Variants in TMEM117 observed in about 807,000 individuals in gnomAD.
The protein encoded by TMEM117 is transmembrane protein 117.
TMEM117 carries 27 observed loss-of-function variants against 52.4 expected under a neutral mutation model. That is an observed-to-expected ratio of 0.51 (90% CI 0.38 to 0.71). The LOEUF (loss-of-function observed/expected upper bound fraction) is 0.71, where lower values mean the gene tolerates loss of function less well. TMEM117 is among the 30% of genes least tolerant of loss of function. The probability of loss-of-function intolerance (pLI) is 0.00; values close to 1 mark genes in which losing one functional copy is unlikely to be tolerated. For missense variants in TMEM117, 556 were observed against 630.5 expected (o/e 0.88, Z 1.26); for synonymous variants, 215 against 206.3 (o/e 1.04, Z -0.36).
intron 2 of TMEM117, among the ~76,000 whole-genome samples, chr12:43,869,359 G>C (rs1675778): frequency 0.72 from 110,047 of 152,182 alleles, 43,170 homozygotes; most frequent in East Asian, 0.94. Context: ...TGATGTGCCA[G>C]CTACTGTTCT....
chr12:44,294,093 T>C (rs1301848277), intron 5 of TMEM117, among the ~76,000 whole-genome samples: 2 of 152,204 alleles, frequency 1.3e-5, no homozygotes, highest in Admixed American at 1.3e-4. Context: ...TTTTTAACTC[T>C]TCGTTTCCTG....
chr12:44,186,905 G>C (rs1389824667), intron 4 of TMEM117, among the ~76,000 whole-genome samples: 1 of 152,130 alleles, frequency 6.6e-6, no homozygotes, highest in African/African-American at 2.4e-5. Context: ...TTAAATTCTT[G>C]AGAGTTTACA....
At chr12:44,385,141 C>A (rs1161973608) in intron 7 of TMEM117, among the ~76,000 whole-genome samples, 1 of 152,120 alleles carries the variant, frequency 6.6e-6, no homozygotes, top group African/African-American at 2.4e-5. Flanking sequence ...GGATGAGATG[C>A]CCATCTGCTC....
At chr12:44,182,577 C>G (rs1949218467) in intron 4 of TMEM117, among the ~76,000 whole-genome samples, 2 of 152,212 alleles carry the variant, frequency 1.3e-5, no homozygotes, top group South Asian at 4.1e-4. Context: ...CTATCTGTGA[C>G]AAACCCACAG....
At chr12:43,872,626 A>G (rs1943725846) in intron 2 of TMEM117, among the ~76,000 whole-genome samples, 1 of 152,238 alleles carries the variant, frequency 6.6e-6, no homozygotes, top group South Asian at 2.1e-4. Flanking sequence ...TTGTACAGGA[A>G]GACATTGAGC....
At chr12:43,823,037 G>A in the TMEM117 span, among the ~76,000 whole-genome samples, 2 of 152,162 alleles carry the variant, frequency 1.3e-5, no homozygotes, top group South Asian at 2.1e-4. Flanking sequence ...TCAAAGTCAT[G>A]GACCCAGAGG....
Position 44,185,105 on chromosome 12 carries a change from A to G in TMEM117, c.511-26185A>G, listed in dbSNP as rs1041839280. Among the ~76,000 whole-genome samples, 6 of 152,292 alleles carry G rather than the reference A, an allele frequency of 3.9e-5. No individual in the cohort carries two copies. The South Asian group carries it at 6.2e-4, about 16-fold the overall frequency. ...GCAATAGAAACCTGTTTACAGCTCA[A>G]TCTTTGAATTTATATACAGGTAATC... On this transcript the variant is annotated intron_variant, in intron 4 of 7. Coordinates refer to ENST00000266534, the MANE Select transcript of TMEM117 (RefSeq NM_032256.3).
chr12:44,296,353 G>A (rs544054099), intron 5 of TMEM117, among the ~76,000 whole-genome samples: 1 of 152,122 alleles, frequency 6.6e-6, no homozygotes, highest in African/African-American at 2.4e-5. Context: ...GTGCTTCAGG[G>A]TCCACAGCTG....
chr12:44,327,123 A>G (rs1387812228), intron 6 of TMEM117, among the ~76,000 whole-genome samples: 1 of 152,216 alleles, frequency 6.6e-6, no homozygotes, highest in Non-Finnish European at 1.5e-5. Flanking sequence ...CTACAAAGGT[A>G]ATTAAATACA....
At chr12:43,924,515 C>T (rs1944747251) in intron 2 of TMEM117, among the ~76,000 whole-genome samples, 1 of 152,072 alleles carries the variant, frequency 6.6e-6, no homozygotes, top group South Asian at 2.1e-4. Flanking sequence ...TTAATTATTT[C>T]AAGTATTTCG....
intron 2 of TMEM117, among the ~76,000 whole-genome samples, chr12:43,910,530 A>C (rs1449930040): frequency 6.7e-5 from 10 of 149,742 alleles, no homozygotes; most frequent in Admixed American, 4.0e-4. Flanking sequence ...AAGGGTATTC[A>C]ATTAGGAAAA....
At chr12:44,285,174 C>T (rs1007062199) in intron 5 of TMEM117, among the ~76,000 whole-genome samples, 5 of 152,152 alleles carry the variant, frequency 3.3e-5, no homozygotes, top group Non-Finnish European at 7.4e-5. Context: ...TTTTCAGCCA[C>T]CTCTTTTATG....
intron 3 of TMEM117, among the ~76,000 whole-genome samples, chr12:43,953,127 A>G (rs1346596025): frequency 2.0e-5 from 3 of 152,238 alleles, no homozygotes; most frequent in South Asian, 2.1e-4. Context: ...CCTGTCTTGC[A>G]TATTTAGTGC....
chr12:44,037,029 A>G (rs1946720388), intron 3 of TMEM117, among the ~76,000 whole-genome samples: 1 of 152,162 alleles, frequency 6.6e-6, no homozygotes, highest in East Asian at 1.9e-4. Flanking sequence ...CACTGGCTAC[A>G]GTGGGGGAGG....
At chr12:44,231,936 A>G (rs1949938707) in intron 5 of TMEM117, among the ~76,000 whole-genome samples, 1 of 151,670 alleles carries the variant, frequency 6.6e-6, no homozygotes, top group South Asian at 2.1e-4. Context: ...GATTCAAATA[A>G]TGGCTCTATC....
At chr12:43,913,199 A>G (rs773501253) in intron 2 of TMEM117, among the ~76,000 whole-genome samples, 4 of 152,148 alleles carry the variant, frequency 2.6e-5, no homozygotes, top group Non-Finnish European at 4.4e-5. Context: ...TGAACTGTCT[A>G]TGGGTCCTTG....
Position 44,140,489 on chromosome 12 carries a change from C to T in TMEM117, c.411-3036C>T, listed in dbSNP as rs377468590. Among the ~76,000 whole-genome samples the T allele has an allele frequency of 8.5e-5, 13 of 152,142 alleles. No homozygotes were observed. In the East Asian group the frequency reaches 2.5e-3, roughly 29 times the overall value. On this transcript the variant is annotated intron_variant, in intron 3 of 7. Transcript: ENST00000266534. ...GTAGACAAGATAGCCAAAATAGCTTCCTATTCTTCTGGACAGTTTTTTCTC... is the reference window on the plus strand; with the variant it reads ...GTAGACAAGATAGCCAAAATAGCTTTCTATTCTTCTGGACAGTTTTTTCTC...
intron 2 of TMEM117, among the ~76,000 whole-genome samples, chr12:43,865,701 A>G (rs1463152717): frequency 1.4e-5 from 2 of 147,898 alleles, no homozygotes; most frequent in Non-Finnish European, 3.0e-5. Flanking sequence ...CGTCCCAAAA[A>G]AAGAAAAAAA....
chr12:44,273,551 G>A lies in TMEM117; in HGVS notation c.609-26029G>A, dbSNP rs527440061. 1.0e-3 allele frequency among the ~76,000 whole-genome samples: 153 copies of A among 151,992 alleles called. 1 individual carries two copies. The highest frequency in any genetic ancestry group is 3.6e-3 in the African/African-American group (151 of 41,510). ...CAGGCCAGTATATCTGATGAATATT[G>A]ATGCAAAAATTCTCAACATAATACT... On this transcript the variant is annotated intron_variant, in intron 5 of 7. Coordinates refer to ENST00000266534, the MANE Select transcript of TMEM117 (RefSeq NM_032256.3).
Sources: gnomAD v4.1 joint callset for allele counts (sites outside exome capture counted in the v4.1 genomes callset) on GRCh38, gnomAD v4.1.1 for gene constraint, MANE v1.5 for transcripts, NCBI Gene and HGNC (gene_info 2026-07-23, HGNC 2026-07-21) for gene names.